The following ADCY8 variants were observed in gnomAD, a reference collection of about 807,000 sequenced individuals.
ADCY8 encodes adenylate cyclase type 8.
In ADCY8, 51 loss-of-function variants were observed where a neutral mutation model predicts 119.7. That is an observed-to-expected ratio of 0.43 (90% CI 0.34 to 0.54). ADCY8 has a LOEUF of 0.54. ADCY8 is among the 20% of genes least tolerant of loss of function. The pLI, the probability that ADCY8 is intolerant of heterozygous loss-of-function variation, is 0.03. For missense variants in ADCY8, 1,383 were observed against 1,598.8 expected (o/e 0.87, Z 2.30); for synonymous variants, 665 against 651.0 (o/e 1.02, Z -0.33).
intron 9 of ADCY8, among the ~76,000 whole-genome samples, chr8:130,864,266 A>G (rs547805750): frequency 2.0e-5 from 3 of 151,846 alleles, no homozygotes; most frequent in Non-Finnish European, 4.4e-5. Context: ...TTTGTCTTGC[A>G]TTTTCTGCAG....
chr8:130,920,787 C>T (rs1053336805), intron 5 of ADCY8, among the ~76,000 whole-genome samples: 4 of 152,120 alleles, frequency 2.6e-5, no homozygotes, highest in Non-Finnish European at 4.4e-5. Flanking sequence ...AATCAGATTA[C>T]CCTCCACAAT....
At chr8:130,972,275 A>G (rs1054566444) in intron 2 of ADCY8, among the ~76,000 whole-genome samples, 1 of 152,214 alleles carries the variant, frequency 6.6e-6, no homozygotes, top group African/African-American at 2.4e-5. Context: ...CTGATGAGGT[A>G]GCTGTGAGAT....
At chr8:130,921,774 T>C (rs891148893) in intron 5 of ADCY8, among the ~76,000 whole-genome samples, 1 of 152,168 alleles carries the variant, frequency 6.6e-6, no homozygotes, top group Admixed American at 6.5e-5. Context: ...TTCTATTTTT[T>C]ACATATGCCA....
chr8:131,005,815 A>G (rs77411775), intron 1 of ADCY8, among the ~76,000 whole-genome samples: 13,946 of 152,148 alleles, frequency 0.092, 1,955 homozygotes, highest in African/African-American at 0.3. Flanking sequence ...AGGAGTGGAA[A>G]CAGCTTCCTC....
In ADCY8 at chr8:131,007,118, T is replaced by C. The variant is rs1163812891; in HGVS notation, c.961-16576A>G. 2.0e-5 allele frequency among the ~76,000 whole-genome samples: 3 copies of C among 152,212 alleles called. No homozygotes were observed. The East Asian group carries it at 5.8e-4, about 29-fold the overall frequency. ...AAGAAAATCTTATGCAGATGTGTTA[T>C]CTTTATTAAATTCATTGATTAAACT... is the stretch of plus-strand genomic sequence containing the variant. On this transcript the variant is annotated intron_variant, in intron 1 of 17. Coordinates refer to ENST00000286355, the MANE Select transcript of ADCY8 (RefSeq NM_001115.3).
intron 9 of ADCY8, among the ~76,000 whole-genome samples, chr8:130,862,254 T>C (rs1817956742): frequency 6.6e-6 from 1 of 152,180 alleles, no homozygotes; most frequent in African/African-American, 2.4e-5. Flanking sequence ...TGCTTTTTGT[T>C]CTGTAGTTTC....
chr8:130,807,908 C>T (rs941706920), intron 14 of ADCY8, among the ~76,000 whole-genome samples: 14 of 125,516 alleles, frequency 1.1e-4, no homozygotes, highest in Admixed American at 3.0e-4. Flanking sequence ...GGCGTGAACC[C>T]GGGAGGCGGA....
At chr8:130,787,152 G>A (rs1159084737) in intron 15 of ADCY8, among the ~76,000 whole-genome samples, 1 of 152,134 alleles carries the variant, frequency 6.6e-6, no homozygotes, top group Admixed American at 6.6e-5. Context: ...TCTATGCTAA[G>A]AGTAGTGACA....
intron 9 of ADCY8, among the ~76,000 whole-genome samples, chr8:130,854,046 G>A (rs952550087): frequency 2.0e-5 from 3 of 152,096 alleles, no homozygotes; most frequent in African/African-American, 2.4e-5. Context: ...CTATGGCAAG[G>A]GTATTAATTA....
chr8:130,836,203 G>T, intron 12 of ADCY8, 74 bp downstream of exon 12: 1 of 1,446,180 alleles, frequency 6.9e-7, no homozygotes, highest in Non-Finnish European at 9.4e-7. Context: ...AATGCAGCGG[G>T]CATCATTTTC....
chr8:130,981,560 C>T (rs1448475825), intron 2 of ADCY8, among the ~76,000 whole-genome samples: 2 of 152,158 alleles, frequency 1.3e-5, no homozygotes, highest in Admixed American at 6.5e-5. Context: ...TCAGTGGCTC[C>T]TGCAGCTCCT....
chr8:130,865,176 T>A (rs181893130), intron 9 of ADCY8, among the ~76,000 whole-genome samples: 1 of 152,236 alleles, frequency 6.6e-6, no homozygotes, highest in East Asian at 1.9e-4. Context: ...TCCTTGTTGG[T>A]GTGACATTAA....
rs780668687 is a variant in ADCY8, at chr8:130,884,797, C to A, written c.1912-36G>T. 10 of 1,588,658 alleles carry A rather than the reference C, an allele frequency of 6.3e-6. No homozygotes were observed. The South Asian group carries it at 1.1e-4, about 18-fold the overall frequency. ...AGCACATGCAAACACAATAAACCTG[C>A]TAGTCCCCTTTAGATAAAACAGAAA... On this transcript the variant is annotated intron_variant, in intron 7 of 17. Coordinates refer to ENST00000286355, the MANE Select transcript of ADCY8 (RefSeq NM_001115.3).
At chr8:131,038,789 T>TA (rs1397068973) in intron 1 of ADCY8, among the ~76,000 whole-genome samples, 2 of 152,180 alleles carry the variant, frequency 1.3e-5, no homozygotes, top group South Asian at 2.1e-4. Context: ...ACCAAGGCAA[T>TA]AAAAAATTCC....
At chr8:130,945,364 A>T (rs114615704) in intron 3 of ADCY8, among the ~76,000 whole-genome samples, 1 of 152,238 alleles carries the variant, frequency 6.6e-6, no homozygotes, top group African/African-American at 2.4e-5. Flanking sequence ...CAGAGTGACT[A>T]TACTGCCATT....
At chr8:130,805,801 T>C (rs2130131770) in intron 14 of ADCY8, among the ~76,000 whole-genome samples, 1 of 152,328 alleles carries the variant, frequency 6.6e-6, no homozygotes, top group East Asian at 1.9e-4. Context: ...GGTGGGTCTT[T>C]AGCTTCTTGT....
At chr8:130,791,056 G>A (rs1286679679) in intron 15 of ADCY8, among the ~76,000 whole-genome samples, 3 of 152,222 alleles carry the variant, frequency 2.0e-5, no homozygotes, top group East Asian at 1.9e-4. Context: ...GCACAGCTGG[G>A]TTGGGTCTCC....
At chr8:130,998,390 G>A (rs1822845145) in intron 1 of ADCY8, among the ~76,000 whole-genome samples, 1 of 152,146 alleles carries the variant, frequency 6.6e-6, no homozygotes, top group Admixed American at 6.5e-5. Context: ...AGGTTCTGAG[G>A]CAGGAGAAGC....
rs59853808 is a variant in ADCY8, at chr8:130,816,163, G to A, written c.2755-1936C>T. Among the ~76,000 whole-genome samples, 1,519 of 152,186 alleles carry A rather than the reference G, an allele frequency of 1.0e-2. 32 individuals are homozygous for A. The highest frequency in any genetic ancestry group is 0.034 in the African/African-American group (1,424 of 41,506). ...AGTATGAAAAGACCATATGCAAAAGGTTATCCATTCAGCAGAATTTTTAAT... is the reference window on the plus strand; with the variant it reads ...AGTATGAAAAGACCATATGCAAAAGATTATCCATTCAGCAGAATTTTTAAT... On this transcript the variant is annotated intron_variant, in intron 13 of 17. Coordinates refer to ENST00000286355, the MANE Select transcript of ADCY8 (RefSeq NM_001115.3).
Sources: allele counts gnomAD v4.1 joint callset (sites outside exome capture counted in the v4.1 genomes callset), GRCh38; gene constraint gnomAD v4.1.1; transcripts MANE v1.5; gene names NCBI Gene and HGNC (gene_info 2026-07-23, HGNC 2026-07-21).